The following KCNMA1 variants were observed in gnomAD, a reference collection of about 807,000 sequenced individuals.
KCNMA1 encodes Calcium-activated potassium channel subunit alpha-1.
KCNMA1 carries 29 observed loss-of-function variants against 140.0 expected under a neutral mutation model. The ratio of observed to expected loss-of-function variants is 0.21; its 90% CI spans 0.15 to 0.28. The LOEUF is 0.28. Ranked by LOEUF, KCNMA1 falls within the 10% of genes least tolerant of loss-of-function variation. The probability of loss-of-function intolerance (pLI) is 1.00; values close to 1 mark genes in which losing one functional copy is unlikely to be tolerated. For missense variants in KCNMA1, 880 were observed against 1,602.2 expected, an observed-to-expected ratio of 0.55 and a Z score of 7.70; for synonymous variants, 612 against 611.9, an observed-to-expected ratio of 1.00 and a Z score of 0.00.
chr10:76,943,104 C>T (rs1035650174), intron 23 of KCNMA1, among the ~76,000 whole-genome samples: 1 of 152,162 alleles, frequency 6.6e-6, no homozygotes, highest in African/African-American at 2.4e-5. Context: ...AAGGCAGGAA[C>T]CAAATGCCGG....
Position 77,000,857 on chromosome 10 carries a change from A to AATATATATATATATAT in KCNMA1, c.2266+534_2266+549dup, listed in dbSNP as rs56359933. On this transcript the variant is annotated intron_variant, in intron 19 of 27. Transcript: ENST00000286628. ...GGTTAGAGAGACATAGTAAAAAGAA[A>AATATATATATATATAT]ATATATATATATATATATATATATA... Among the ~76,000 whole-genome samples the AATATATATATATATAT allele has an allele frequency of 7.6e-3, 277 of 36,270 alleles. 5 individuals are homozygous for AATATATATATATATAT. The highest frequency in any genetic ancestry group is 0.01 in the Non-Finnish European group (182 of 17,490). The allele number at this position is 36,270 out of a possible 152,430, so 23.8% of individuals were successfully genotyped here.
chr10:77,385,696 A>G (rs1603451186), intron 2 of KCNMA1, among the ~76,000 whole-genome samples: 2 of 152,218 alleles, frequency 1.3e-5, no homozygotes, highest in African/African-American at 4.8e-5. Flanking sequence ...ATTTGAACAC[A>G]TGGAGTGCAT....
chr10:77,335,215 G>T (rs1225678864), intron 2 of KCNMA1, among the ~76,000 whole-genome samples: 1 of 152,102 alleles, frequency 6.6e-6, no homozygotes, highest in Non-Finnish European at 1.5e-5. Flanking sequence ...GGGGTAAATA[G>T]GTGTCCCAAG....
intron 2 of KCNMA1, among the ~76,000 whole-genome samples, chr10:77,330,812 T>G (rs2086100788): frequency 6.6e-6 from 1 of 152,162 alleles, no homozygotes; most frequent in Admixed American, 6.5e-5. Context: ...ACTTATTACC[T>G]ATATGACCTC....
intron 26 of KCNMA1, 61 bp downstream of exon 26, chr10:76,891,464 T>C: frequency 7.5e-7 from 1 of 1,341,090 alleles, no homozygotes; most frequent in Non-Finnish European, 1.1e-6. Context: ...GATACCACGT[T>C]CTTCAGGATC....
At chr10:77,238,919 T>C (rs1005899670) in intron 3 of KCNMA1, among the ~76,000 whole-genome samples, 4 of 152,194 alleles carry the variant, frequency 2.6e-5, no homozygotes, top group African/African-American at 9.7e-5. Context: ...TACATGGTAA[T>C]ATACATACAT....
intron 1 of KCNMA1, among the ~76,000 whole-genome samples, chr10:77,510,574 T>C (rs2047997714): frequency 6.6e-6 from 1 of 151,204 alleles, no homozygotes; most frequent in Admixed American, 6.6e-5. Flanking sequence ...ATAATTAACA[T>C]ATGAAAGGTC....
At chr10:77,470,047 GA>G (rs1469930079) in intron 1 of KCNMA1, among the ~76,000 whole-genome samples, 1 of 152,128 alleles carries the variant, frequency 6.6e-6, no homozygotes, top group African/African-American at 2.4e-5. Flanking sequence ...GCAGTGGTGA[GA>G]AGGAGGCCAG....
rs146829848 is a variant in KCNMA1 at position 77,285,769 on chromosome 10, C to T, written c.541-34513G>A. On this transcript the variant is annotated intron_variant, in intron 2 of 27. Coordinates refer to ENST00000286628, the MANE Select transcript of KCNMA1 (RefSeq NM_001161352.2). ...AAATGCTGCCTCTGCCCCTTACTGG[C>T]CATGTATTTTTGGAAAAGCCAGTTA... is the stretch of plus-strand genomic sequence containing the variant. 4.3e-3 allele frequency among the ~76,000 whole-genome samples: 655 copies of T among 152,244 alleles called. 2 individuals are homozygous for T. The highest frequency in any genetic ancestry group is 7.2e-3 in the Non-Finnish European group (490 of 68,018).
intron 5 of KCNMA1, among the ~76,000 whole-genome samples, chr10:77,171,987 T>C (rs1222983035): frequency 6.6e-6 from 1 of 152,180 alleles, no homozygotes; most frequent in Non-Finnish European, 1.5e-5. Context: ...GATCTATGTT[T>C]TCCCCATCTT....
At chr10:77,098,320 C>A (rs1239437991) in intron 9 of KCNMA1, among the ~76,000 whole-genome samples, 1 of 152,154 alleles carries the variant, frequency 6.6e-6, no homozygotes, top group Non-Finnish European at 1.5e-5. Context: ...TAAATACAGT[C>A]TCCCAATTAT....
At chr10:77,323,825 TG>T (rs905223854) in intron 2 of KCNMA1, among the ~76,000 whole-genome samples, 1 of 152,010 alleles carries the variant, frequency 6.6e-6, no homozygotes, top group African/African-American at 2.4e-5. Context: ...ACCTGGGAGA[TG>T]GGGAGGGATT....
At chr10:77,589,573 G>A (rs1308292365) in intron 1 of KCNMA1, among the ~76,000 whole-genome samples, 1 of 152,130 alleles carries the variant, frequency 6.6e-6, no homozygotes, top group African/African-American at 2.4e-5. Flanking sequence ...TACTGTGTCC[G>A]GAATTGGTGG....
chr10:77,352,719 A>G (rs1205955904), intron 2 of KCNMA1, among the ~76,000 whole-genome samples: 2 of 152,188 alleles, frequency 1.3e-5, no homozygotes, highest in African/African-American at 4.8e-5. Flanking sequence ...GCCAGGGTCT[A>G]AGGAATATGC....
At chr10:77,027,248 A>C (rs1372160712) in intron 16 of KCNMA1, among the ~76,000 whole-genome samples, 2 of 152,208 alleles carry the variant, frequency 1.3e-5, no homozygotes, top group Non-Finnish European at 2.9e-5. Flanking sequence ...TGATTTGCAC[A>C]TAATTAAGTG....
chr10:76,993,361 C>A (rs1201011336), intron 19 of KCNMA1, among the ~76,000 whole-genome samples: 5 of 152,174 alleles, frequency 3.3e-5, no homozygotes, highest in African/African-American at 9.7e-5. Flanking sequence ...AGGAAATCTT[C>A]CTCCAATAAG....
In KCNMA1 at chr10:76,886,026, G is replaced by A. The variant is rs201811645; in HGVS notation, c.*1240C>T. On this transcript the variant is annotated 3_prime_UTR_variant, in exon 28 of 28. Coordinates refer to ENST00000286628, the MANE Select transcript of KCNMA1 (RefSeq NM_001161352.2). ...TTCCTTCCCACCAGCTTTCTGCATT[G>A]GGACAGCCAGCACCGCACAGCTGTG... The A allele has an allele frequency of 6.6e-5, 65 of 985,398 alleles. No homozygotes were observed. In the African/African-American group the frequency reaches 1.1e-3, roughly 17 times the overall value. 61.0% of individuals were successfully genotyped at this position (985,398 alleles called of 1,614,324 possible). A position where few individuals can be genotyped will look rare whatever the true frequency, so the allele number is the denominator to read the frequency against.
At chr10:77,132,115 CAAAAAATGCTTTAGAAAAATATTTG>C in intron 5 of KCNMA1, among the ~76,000 whole-genome samples, 1 of 151,820 alleles carries the variant, frequency 6.6e-6, no homozygotes, top group South Asian at 2.1e-4. Context: ...AAGCATTAAA[CAAAAAATGCTTTAGAAAAATATTTG>C]AAAAATATAA....
At position 77,067,933 on chromosome 10, in the gene KCNMA1, T is replaced by G. The variant is rs71475631; in HGVS notation, c.1749+5164A>C. Reference sequence around the variant, plus strand: ...AGGTCCCCAGGGCATCTCTATTGCATCAATAGTTCACATAGAATGAACTAT... The same window carrying G: ...AGGTCCCCAGGGCATCTCTATTGCAGCAATAGTTCACATAGAATGAACTAT... On this transcript the variant is annotated intron_variant, in intron 14 of 27. Transcript: ENST00000286628. 1.9e-3 allele frequency among the ~76,000 whole-genome samples: 296 copies of G among 152,312 alleles called. 1 individual carries two copies. Among genetic ancestry groups the G allele is most frequent in the Middle Eastern group, 3.4e-3 (1 of 294 alleles).
Sources: gnomAD v4.1 joint callset for allele counts (sites outside exome capture counted in the v4.1 genomes callset) on GRCh38, gnomAD v4.1.1 for gene constraint, MANE v1.5 for transcripts, NCBI Gene and HGNC (gene_info 2026-07-23, HGNC 2026-07-21) for gene names.